KCNK6: variants seen among roughly 807,000 people sequenced by gnomAD.
KCNK6 encodes potassium two pore domain channel subfamily K member 6.
Under a neutral mutation model 21.9 loss-of-function variants are expected in KCNK6, and 20 were observed. The observed-to-expected ratio is 0.91, with a 90% CI of 0.64 to 1.32. The LOEUF (loss-of-function observed/expected upper bound fraction) is 1.32. Among genes scored for constraint, KCNK6 ranks in the 40% most tolerant of loss-of-function variants. The probability of loss-of-function intolerance (pLI) is 0.00; values close to 1 mark genes in which losing one functional copy is unlikely to be tolerated. For missense variants in KCNK6, 415 were observed against 433.1 expected (o/e 0.96, Z 0.37); for synonymous variants, 210 against 218.0 (o/e 0.96, Z 0.32).
chr19:38,326,298 C>T (rs529180678), intron 1 of KCNK6, among the ~76,000 whole-genome samples: 12 of 152,104 alleles, frequency 7.9e-5, no homozygotes, highest in Non-Finnish European at 1.2e-4. Flanking sequence ...TCTGTAACTC[C>T]AACACCTTGG....
intron 1 of KCNK6, among the ~76,000 whole-genome samples, chr19:38,323,901 G>T (rs895500681): frequency 1.5e-4 from 22 of 151,148 alleles, no homozygotes; most frequent in African/African-American, 5.1e-4. Flanking sequence ...GCCAGGAAGG[G>T]ATTGCTTACG....
chr19:38,327,771 T>C lies in KCNK6; in HGVS notation c.*368T>C. On this transcript the variant is annotated 3_prime_UTR_variant, in exon 3 of 3. Transcript: ENST00000263372. ...TCTCAATTAACCACTCGTCAACTGCTGATTCTACTGGGCTGTGGGCTCAGA... is the reference window on the plus strand; with the variant it reads ...TCTCAATTAACCACTCGTCAACTGCCGATTCTACTGGGCTGTGGGCTCAGA... The C allele has an allele frequency of 3.6e-6, 1 of 275,472 alleles. No homozygotes were observed. Among genetic ancestry groups the C allele is most frequent in the South Asian group, 4.1e-5 (1 of 24,392 alleles). The allele number at this position is 275,472 out of a possible 1,614,324, so 17.1% of individuals were successfully genotyped here.
At chr19:38,321,573 C>T (rs1339507619) in intron 1 of KCNK6, among the ~76,000 whole-genome samples, 1 of 152,242 alleles carries the variant, frequency 6.6e-6, no homozygotes, top group Non-Finnish European at 1.5e-5. Flanking sequence ...GCTGCTCCCC[C>T]AGCCCCTTCT....
rs1316037212 is a variant in KCNK6, at chr19:38,327,602, C to G, written c.*199C>G. On this transcript the variant is annotated 3_prime_UTR_variant, in exon 3 of 3. Coordinates refer to ENST00000263372, the MANE Select transcript of KCNK6 (RefSeq NM_004823.3). ...CCCTGTCCCCATGTCCCGGGCTCCA[C>G]TGGGCACCAACATAACCTTGTTCTC... 4 of 601,224 alleles carry G rather than the reference C, an allele frequency of 6.7e-6. No individual in the cohort carries two copies. Among genetic ancestry groups the G allele is most frequent in the Non-Finnish European group, 1.2e-5 (4 of 338,160 alleles). The allele number at this position is 601,224 out of a possible 1,614,324, so 37.2% of individuals were successfully genotyped here.
rs1411303891 is a variant in KCNK6 at position 38,326,584 on chromosome 19, C to G, written c.323-9C>G. On this transcript the variant is annotated splice_polypyrimidine_tract_variant and intron_variant, in intron 1 of 2. Transcript: ENST00000263372. ...AAAGATTTACCCTTTACTCTCTTTA[C>G]TCCCCTAGGCTATGGGTACACAACG... is the stretch of plus-strand genomic sequence containing the variant. 4.4e-6 allele frequency: 7 copies of G among 1,593,720 alleles called. No homozygotes were observed. In the South Asian group the frequency reaches 7.8e-5, roughly 18 times the overall value.
intron 2 of KCNK6, 83 bp downstream of exon 2, chr19:38,327,071 G>A: frequency 1.3e-6 from 2 of 1,564,672 alleles, no homozygotes; most frequent in Non-Finnish European, 1.7e-6. Flanking sequence ...TCCCACTCTG[G>A]GACTTCCAAA....
At chr19:38,326,123 G>A (rs1335950343) in intron 1 of KCNK6, among the ~76,000 whole-genome samples, 1 of 152,232 alleles carries the variant, frequency 6.6e-6, no homozygotes, top group Non-Finnish European at 1.5e-5. Flanking sequence ...AAGGCTCTTG[G>A]CCTGAGCGTC....
At chr19:38,321,778 G>A (rs1234266591) in intron 1 of KCNK6, among the ~76,000 whole-genome samples, 5 of 152,228 alleles carry the variant, frequency 3.3e-5, no homozygotes, top group Non-Finnish European at 7.3e-5. Context: ...TGCTGCCAGG[G>A]CGGCCTGACC....
Position 38,327,351 on chromosome 19 carries a change from A to C in KCNK6, c.890A>C (p.His297Pro), listed in dbSNP as rs762059409. 1.9e-4 allele frequency: 311 copies of C among 1,612,096 alleles called. No homozygotes were observed. The highest frequency in any genetic ancestry group is 2.5e-4 in the Non-Finnish European group (298 of 1,180,002). The change falls in exon 3 of 3, where the codon CAC becomes CCC. Residue 297 changes from histidine to proline, a missense_variant. His to Pro is a moderately conservative substitution (Grantham distance 77, BLOSUM62 -2). Transcript: ENST00000263372. ...ATCCTGGGCCCCCAGCCGGAGTCGC[A>C]CCAGCAACTCTCTGCCAGCTCCCAC... ...VDILGPQPES[H>P]QQLSASSHTD... is the part of the protein sequence containing the mutation.
In KCNK6 at chr19:38,327,334, C is replaced by T. The variant is rs371030201; in HGVS notation, c.873C>T (p.Gly291=). 1 of 1,612,856 alleles carries T rather than the reference C, an allele frequency of 6.2e-7. No homozygotes were observed. The highest frequency in any genetic ancestry group is 8.5e-7 in the Non-Finnish European group (1 of 1,180,012). ...AGGACGATCGGGTGGACATCCTGGG[C>T]CCCCAGCCGGAGTCGCACCAGCAAC... The part of the protein sequence containing the change: ...ADEDDRVDIL[G]PQPESHQQLS... The change falls in exon 3 of 3, where the codon GGC becomes GGT. Residue 291 remains glycine, a synonymous_variant. Transcript: ENST00000263372.
Position 38,326,741 on chromosome 19 carries a change from G to A in KCNK6, c.471G>A (p.Leu157=). 1.2e-6 allele frequency: 2 copies of A among 1,604,546 alleles called. No homozygotes were observed. Among genetic ancestry groups the A allele is most frequent in the Non-Finnish European group, 1.7e-6 (2 of 1,179,968 alleles). ...LLLTHVPLSW[L]SMRWGWDPRR... is the part of the protein sequence containing the mutation. The stretch of plus-strand genomic sequence containing the variant: ...TGACTCACGTGCCCCTGTCTTGGCT[G>A]AGCATGCGTTGGGGCTGGGACCCCC... The change falls in exon 2 of 3, where the codon CTG becomes CTA. Residue 157 remains leucine (L), a synonymous_variant. Transcript: ENST00000263372.
At chr19:38,321,144 G>A (rs927840805) in intron 1 of KCNK6, among the ~76,000 whole-genome samples, 68 of 152,244 alleles carry the variant, frequency 4.5e-4, no homozygotes, top group African/African-American at 1.6e-3. Context: ...GCGCCTTAGC[G>A]AGGACCCTAA....
Position 38,327,445 on chromosome 19 carries a change from A to G in KCNK6, c.*42A>G. 6.3e-7 allele frequency: 1 copy of G among 1,576,986 alleles called. No homozygotes were observed. Among genetic ancestry groups the G allele is most frequent in the Non-Finnish European group, 8.6e-7 (1 of 1,161,270 alleles). On this transcript the variant is annotated 3_prime_UTR_variant, in exon 3 of 3. Coordinates refer to ENST00000263372, the MANE Select transcript of KCNK6 (RefSeq NM_004823.3). Reference sequence around the variant, plus strand: ...CAGGCTTGGGTGTGCCTGGCCTGGGACTGAGGGGTCCAGGCGACCAGAGCT... The same window carrying G: ...CAGGCTTGGGTGTGCCTGGCCTGGGGCTGAGGGGTCCAGGCGACCAGAGCT...
chr19:38,320,187 C>G lies in KCNK6; in HGVS notation c.237C>G (p.Asn79Lys), dbSNP rs773856245. ...GGCTGGGGCGGGTCGTGCTTGCTAA[C>G]GCTTCGGGGTCCGCCAACGCCTCGG... ...AGRLGRVVLA[N>K]ASGSANASDP... is the part of the protein sequence containing the mutation. Residue 79 changes from asparagine to lysine, a missense_variant, in exon 1 of 3, where the codon AAC (asparagine) becomes AAG (lysine). Physicochemically the swap from Asn to Lys is moderately conservative, Grantham distance 94. Transcript: ENST00000263372. 6.2e-7 allele frequency: 1 copy of G among 1,601,074 alleles called. No individual in the cohort carries two copies. The highest frequency in any genetic ancestry group is 1.1e-5 in the South Asian group (1 of 91,034).
At chr19:38,321,566 G>C (rs1969652157) in intron 1 of KCNK6, among the ~76,000 whole-genome samples, 1 of 152,246 alleles carries the variant, frequency 6.6e-6, no homozygotes, top group African/African-American at 2.4e-5. Flanking sequence ...AGGCTCTGCT[G>C]CTCCCCCAGC....
Position 38,328,990 on chromosome 19 carries a change from GAAAGA to G in KCNK6, c.*1592_*1596del, listed in dbSNP as rs1429116847. The G allele has an allele frequency of 4.5e-4, 67 of 150,198 alleles. No homozygotes were observed. Among genetic ancestry groups the G allele is most frequent in the African/African-American group, 1.2e-3 (49 of 40,384 alleles). The allele number at this position is 150,198 out of a possible 1,614,324, so 9.3% of individuals were successfully genotyped here. ...AAAAGTAAGAAAGAAAAAAGAAAAA[GAAAGA>G]AAAGTAAGAAAGAAAAAAAGAAAAA... is the stretch of plus-strand genomic sequence containing the variant. On this transcript the variant is annotated 3_prime_UTR_variant, in exon 3 of 3. Coordinates refer to ENST00000263372, the MANE Select transcript of KCNK6 (RefSeq NM_004823.3).
intron 1 of KCNK6, among the ~76,000 whole-genome samples, chr19:38,322,476 T>G (rs1396039563): frequency 6.6e-6 from 1 of 152,106 alleles, no homozygotes; most frequent in East Asian, 1.9e-4. Context: ...AAACTCAGCT[T>G]AACAAGATTC....
chr19:38,327,215 G>A lies in KCNK6; in HGVS notation c.754G>A (p.Val252Met). Residue 252 changes from valine to methionine, a missense_variant, in exon 3 of 3, where the codon GTG becomes ATG. By Grantham distance (21) the Val-to-Met change is conservative. Transcript: ENST00000263372. ...LFLGLVAMVL[V>M]LQTFRHVSDL... ...CCTGGGCCTGGTGGCCATGGTGCTG[G>A]TGCTGCAGACCTTCCGCCACGTGTC... is the stretch of plus-strand genomic sequence containing the variant. 6.2e-7 allele frequency: 1 copy of A among 1,613,270 alleles called. No homozygotes were observed. Among genetic ancestry groups the A allele is most frequent in the African/African-American group, 1.3e-5 (1 of 75,064 alleles).
intron 1 of KCNK6, 110 bp from the exon 2 acceptor site, chr19:38,326,483 C>CAA: frequency 7.7e-7 from 1 of 1,298,040 alleles, no homozygotes. Context: ...TCCAGGAGTT[C>CAA]AAGACTGCAG....
Sources: gnomAD v4.1 joint callset for allele counts (sites outside exome capture counted in the v4.1 genomes callset) on GRCh38, gnomAD v4.1.1 for gene constraint, MANE v1.5 for transcripts, NCBI Gene and HGNC (gene_info 2026-07-23, HGNC 2026-07-21) for gene names.